Variants in GLI3 observed in about 807,000 individuals in gnomAD.
GLI3 encodes transcription activator GLI3.
A neutral mutation model predicts 100.8 loss-of-function variants in GLI3; 20 were observed. The ratio of observed to expected loss-of-function variants is 0.20; its 90% CI spans 0.14 to 0.29. The LOEUF is 0.29. GLI3 is among the 10% of genes least tolerant of loss of function. The pLI is 1.00. For synonymous variants in GLI3, 938 were observed against 860.5 expected (o/e 1.09, Z -1.58); for missense variants, 2,040 against 2,128.5 (o/e 0.96, Z 0.82).
intron 6 of GLI3, among the ~76,000 whole-genome samples, chr7:42,041,848 G>C (rs1337226130): frequency 1.3e-5 from 2 of 152,052 alleles, no homozygotes; most frequent in Admixed American, 1.3e-4. Flanking sequence ...TACTAAGTTA[G>C]TGCCATCCAC....
At chr7:42,086,493 C>T (rs886974356) in intron 3 of GLI3, among the ~76,000 whole-genome samples, 4 of 152,064 alleles carry the variant, frequency 2.6e-5, no homozygotes, top group African/African-American at 7.2e-5. Context: ...CCCAAGATAG[C>T]CTCCCCACTC....
In GLI3 at chr7:41,967,715, C is replaced by T. The variant is rs2128706998; in HGVS notation, c.2312G>A (p.Gly771Glu). 1 of 1,614,152 alleles carries T rather than the reference C, an allele frequency of 6.2e-7. No individual in the cohort carries two copies. The highest frequency in any genetic ancestry group is 2.2e-5 in the East Asian group (1 of 44,878). The part of the protein sequence containing the change: ...LALQARRNPA[G>E]TKWMEHVKLE... ...TTTTACGTGCTCCATCCATTTGGTC[C>T]CTGCCGGGTTTCTCCTGGCTTGCAA... is the stretch of plus-strand genomic sequence containing the variant. Residue 771 changes from glycine (G) to glutamate (E), a missense_variant, in exon 14 of 15, where the codon GGG (glycine) becomes GAG (glutamate). This residue lies in a region of GLI3 where 327 missense variants were observed against 338.7 expected (regional missense o/e 0.97). Transcript: ENST00000395925.
At chr7:42,114,294 G>A (rs1003034183) in intron 3 of GLI3, among the ~76,000 whole-genome samples, 1 of 152,150 alleles carries the variant, frequency 6.6e-6, no homozygotes, top group Non-Finnish European at 1.5e-5. Context: ...GTTTTATCTT[G>A]GCTTTCTGAT....
At chr7:42,199,735 G>A (rs1344125841) in intron 2 of GLI3, among the ~76,000 whole-genome samples, 1 of 152,190 alleles carries the variant, frequency 6.6e-6, no homozygotes, top group Admixed American at 6.5e-5. Context: ...AGGCCAAGGA[G>A]AAGATATTTA....
chr7:42,094,393 C>T (rs192912963), intron 3 of GLI3, among the ~76,000 whole-genome samples: 10 of 147,490 alleles, frequency 6.8e-5, no homozygotes, highest in African/African-American at 2.3e-4. Context: ...ACTTGAGGTC[C>T]GGAGTTCAAG....
chr7:42,101,061 C>T (rs945795212), intron 3 of GLI3, among the ~76,000 whole-genome samples: 5 of 152,216 alleles, frequency 3.3e-5, no homozygotes, highest in African/African-American at 7.2e-5. Context: ...TTGGGAAGGC[C>T]GCCCTATACC....
intron 1 of GLI3, among the ~76,000 whole-genome samples, chr7:42,225,043 C>T (rs1033614823): frequency 6.6e-6 from 1 of 152,156 alleles, no homozygotes; most frequent in Non-Finnish European, 1.5e-5. Flanking sequence ...GACAGAGAAC[C>T]CTTAAAGGAG....
chr7:42,125,770 G>A (rs1786110861), intron 3 of GLI3, among the ~76,000 whole-genome samples: 1 of 152,044 alleles, frequency 6.6e-6, no homozygotes, highest in South Asian at 2.1e-4. Flanking sequence ...TATTTTTGAG[G>A]GTATAACTAT....
chr7:42,082,464 A>T (rs1389929177), intron 3 of GLI3, among the ~76,000 whole-genome samples: 1 of 152,122 alleles, frequency 6.6e-6, no homozygotes, highest in African/African-American at 2.4e-5. Context: ...GAGAGTCTAG[A>T]GCAACGTGTT....
At chr7:42,229,800 A>T (rs1229550050) in intron 1 of GLI3, among the ~76,000 whole-genome samples, 2 of 152,210 alleles carry the variant, frequency 1.3e-5, no homozygotes, top group Non-Finnish European at 2.9e-5. Flanking sequence ...AAGAAGTACA[A>T]ACTAATGTTG....
chr7:42,237,241 C>G (rs897434800), upstream of GLI3, among the ~76,000 whole-genome samples: 4 of 151,674 alleles, frequency 2.6e-5, no homozygotes, highest in African/African-American at 9.6e-5. Context: ...CCCCTGCCCG[C>G]TCCCTCCCGC....
chr7:42,112,948 G>A (rs532513750), intron 3 of GLI3, among the ~76,000 whole-genome samples: 10 of 152,082 alleles, frequency 6.6e-5, no homozygotes, highest in Non-Finnish European at 1.3e-4. Flanking sequence ...CGAGGTGGGC[G>A]GATCACTTGA....
chr7:42,014,448 T>C (rs846301), intron 10 of GLI3, among the ~76,000 whole-genome samples: 137,853 of 152,272 alleles, frequency 0.91, 62,444 homozygotes, highest in East Asian at 0.99. Flanking sequence ...AAAACCTCAG[T>C]CTTTTATTAT....
chr7:42,236,565 C>T (rs985399784), intron 1 of GLI3, among the ~76,000 whole-genome samples: 1 of 152,166 alleles, frequency 6.6e-6, no homozygotes, highest in Non-Finnish European at 1.5e-5. Context: ...GAGCGCCGTG[C>T]GCGCCCGAAG....
rs1285365371 is a variant in GLI3, at chr7:42,148,133, GCGCACACACA to G, written c.367+83_367+92del. The G allele has an allele frequency of 1.0e-5, 12 of 1,149,016 alleles. No individual in the cohort carries two copies. The African/African-American group carries it at 1.1e-4, about 11-fold the overall frequency. The allele number at this position is 1,149,016 out of a possible 1,614,324, so 71.2% of individuals were successfully genotyped here. A position where few individuals can be genotyped will look rare whatever the true frequency, so the allele number is the denominator to read the frequency against. On this transcript the variant is annotated intron_variant, in intron 3 of 14. Transcript: ENST00000395925. ...TATACAAGCCAAAACTTCATAAAGCGCGCACACACACACACACACACACACACACACACAC... is the reference window on the plus strand; with the variant it reads ...TATACAAGCCAAAACTTCATAAAGCGCACACACACACACACACACACACAC...
At chr7:41,990,939 CACGTCTCAAGA>C (rs1252468698) in intron 10 of GLI3, among the ~76,000 whole-genome samples, 1 of 151,780 alleles carries the variant, frequency 6.6e-6, no homozygotes, top group East Asian at 1.9e-4. Context: ...GAAGCACAGG[CACGTCTCAAGA>C]ACTACTGGAA....
rs116840768 is a variant in GLI3 at position 41,965,634 on chromosome 7, C to T, written c.3439G>A (p.Glu1147Lys). Reference sequence around the variant, plus strand: ...TTGCTGCCCTCGGGGCAGGGCTGCTCGAGGGCATGGAACTGCTGGCCAGCG... The same window carrying T: ...TTGCTGCCCTCGGGGCAGGGCTGCTTGAGGGCATGGAACTGCTGGCCAGCG... ...SHAGQQFHAL[E>K]QPCPEGSKTD... Residue 1147 changes from glutamate to lysine, a missense_variant, in exon 15 of 15, where the codon GAG (glutamate) becomes AAG (lysine). This residue lies in a region of GLI3 where 1,041 missense variants were observed against 924.0 expected (regional missense o/e 1.13). Coordinates refer to ENST00000395925, the MANE Select transcript of GLI3 (RefSeq NM_000168.6). The T allele has an allele frequency of 2.5e-6, 4 of 1,611,366 alleles. No homozygotes were observed. The highest frequency in any genetic ancestry group is 2.2e-5 in the East Asian group (1 of 44,778).
At chr7:41,984,241 C>T (rs1256298532) in intron 10 of GLI3, among the ~76,000 whole-genome samples, 1 of 152,202 alleles carries the variant, frequency 6.6e-6, no homozygotes, top group Admixed American at 6.5e-5. Context: ...TTTCTTCTCA[C>T]TTTGTTATTT....
chr7:42,015,828 C>A (rs538168771), intron 10 of GLI3, among the ~76,000 whole-genome samples: 6 of 151,858 alleles, frequency 4.0e-5, no homozygotes, highest in Non-Finnish European at 8.8e-5. Context: ...TATTTCTAAT[C>A]TGAACATTCT....
Sources: gnomAD v4.1 joint callset for allele counts (sites outside exome capture counted in the v4.1 genomes callset) on GRCh38, gnomAD v4.1.1 for gene constraint, gnomAD v4.1.1 regional missense constraint, MANE v1.5 for transcripts, NCBI Gene and HGNC (gene_info 2026-07-23, HGNC 2026-07-21) for gene names.